Variants in AFF2 observed in about 807,000 individuals in gnomAD.
AFF2 encodes AF4/FMR2 family member 2.
In AFF2, 14 loss-of-function variants were observed where a neutral mutation model predicts 76.9. The observed-to-expected ratio is 0.18, with a 90% CI of 0.12 to 0.28. The LOEUF (loss-of-function observed/expected upper bound fraction) is 0.28, where lower values mean the gene tolerates loss of function less well. Ranked by LOEUF, AFF2 falls within the 10% of genes least tolerant of loss-of-function variation. AFF2 has a pLI of 1.00. For synonymous variants in AFF2, 398 were observed against 366.7 expected (o/e 1.09, Z -0.98); for missense variants, 868 against 1,001.1 (o/e 0.87, Z 1.79).
At chrX:148,936,060 C>T (rs1436983408) in intron 9 of AFF2, among the ~76,000 whole-genome samples, 1 of 110,898 alleles carries the variant, frequency 9.0e-6, no homozygotes, top group Non-Finnish European at 1.9e-5. Context: ...AAGTCTTCTT[C>T]GTGGATCTTT....
intron 9 of AFF2, among the ~76,000 whole-genome samples, chrX:148,925,222 G>A (rs2071637853): frequency 8.9e-6 from 1 of 112,227 alleles, no homozygotes; most frequent in African/African-American, 3.2e-5. Flanking sequence ...ATATTCAGCG[G>A]TGTTATCCCA....
intron 3 of AFF2, among the ~76,000 whole-genome samples, chrX:148,781,667 C>T (rs1241329455): frequency 8.9e-6 from 1 of 112,014 alleles, no homozygotes; most frequent in Non-Finnish European, 1.9e-5. Flanking sequence ...AGCAAGACCA[C>T]TTGGCTCCCT....
intron 3 of AFF2, among the ~76,000 whole-genome samples, chrX:148,721,411 A>G (rs1483503864): frequency 1.8e-5 from 2 of 112,145 alleles, no homozygotes; most frequent in Non-Finnish European, 3.8e-5. Context: ...TCTCTACCTC[A>G]TAGTGTCATT....
intron 1 of AFF2, among the ~76,000 whole-genome samples, chrX:148,646,703 C>A (rs782417642): frequency 8.9e-6 from 1 of 111,826 alleles, no homozygotes; most frequent in Non-Finnish European, 1.9e-5. Flanking sequence ...ACAGTGTTTG[C>A]AGGGAGATAG....
chrX:148,564,472 A>G (rs183761180), intron 1 of AFF2, among the ~76,000 whole-genome samples: 1,373 of 108,553 alleles, frequency 0.013, 32 homozygotes, highest in African/African-American at 0.042. Flanking sequence ...TGATTTGAAA[A>G]AAAAAAAAAA....
intron 3 of AFF2, among the ~76,000 whole-genome samples, chrX:148,804,943 G>A (rs1557271195): frequency 9.0e-6 from 1 of 111,620 alleles, no homozygotes; most frequent in Admixed American, 9.5e-5. Flanking sequence ...AGAGACATAG[G>A]GGATTTCATA....
At chrX:148,896,771 A>G (rs1413447528) in intron 8 of AFF2, among the ~76,000 whole-genome samples, 1 of 110,919 alleles carries the variant, frequency 9.0e-6, no homozygotes, top group Non-Finnish European at 1.9e-5. Context: ...TTTCCTGACT[A>G]GAGTTAAAAA....
Position 148,958,429 on chromosome X carries a change from C to G in AFF2, c.2661C>G (p.Ala887=). ...TGCTCCCTCCTTGCATCTCACCAGC[C>G]CCACCCCACAAGCCTCCCAACACTA... is the stretch of plus-strand genomic sequence containing the variant. ...ICLLPPCISP[A]PPHKPPNTRE... Residue 887 remains alanine, a synonymous_variant, in exon 12 of 21, where the codon GCC becomes GCG. Transcript: ENST00000370460. 1 of 1,210,979 alleles carries G rather than the reference C, an allele frequency of 8.3e-7. No homozygotes were observed. Among genetic ancestry groups the G allele is most frequent in the Non-Finnish European group, 1.1e-6 (1 of 895,124 alleles).
At chrX:148,664,196 A>C (rs1022765313) in intron 3 of AFF2, among the ~76,000 whole-genome samples, 3 of 111,758 alleles carry the variant, frequency 2.7e-5, no homozygotes, top group Non-Finnish European at 3.8e-5. Context: ...TTGATTATTC[A>C]GTACCTTCTC....
intron 3 of AFF2, among the ~76,000 whole-genome samples, chrX:148,669,021 G>A (rs1693211564): frequency 8.9e-6 from 1 of 111,792 alleles, no homozygotes; most frequent in South Asian, 3.8e-4. Flanking sequence ...ATGCTTTGCT[G>A]CATAGAAATT....
chrX:148,983,802 C>T (rs1175634579), intron 19 of AFF2, among the ~76,000 whole-genome samples: 1 of 108,860 alleles, frequency 9.2e-6, no homozygotes, highest in Non-Finnish European at 1.9e-5. Context: ...TATATATGCT[C>T]TTCTCCTTCT....
intron 1 of AFF2, among the ~76,000 whole-genome samples, chrX:148,589,775 C>T (rs1557246346): frequency 1.8e-5 from 2 of 110,461 alleles, no homozygotes; most frequent in Non-Finnish European, 3.8e-5. Flanking sequence ...ACACCAAATA[C>T]ATTGCAGAAA....
chrX:148,903,197 A>G (rs2071372529), intron 8 of AFF2, among the ~76,000 whole-genome samples: 1 of 111,613 alleles, frequency 9.0e-6, no homozygotes, highest in Admixed American at 9.5e-5. Flanking sequence ...TGCTCTTTTT[A>G]TCAAACATAA....
chrX:148,525,095 T>C, intron 1 of AFF2, among the ~76,000 whole-genome samples: 1 of 112,363 alleles, frequency 8.9e-6, no homozygotes, highest in Admixed American at 9.5e-5. Context: ...AATATTTTCC[T>C]GCTATATTGA....
In AFF2 at chrX:148,708,001, C is replaced by G. The variant is rs782578372; in HGVS notation, c.1041+45233C>G. Among the ~76,000 whole-genome samples the G allele has an allele frequency of 8.1e-4, 91 of 111,774 alleles. 1 individual carries two copies. The Middle Eastern group carries it at 0.014, about 17-fold the overall frequency. ...AAATAAGCACATGAAATAAAAAGAA[C>G]AAAGCATACTGTTGGAATTACCCTG... On this transcript the variant is annotated intron_variant, in intron 3 of 20. Coordinates refer to ENST00000370460, the MANE Select transcript of AFF2 (RefSeq NM_002025.4).
intron 9 of AFF2, among the ~76,000 whole-genome samples, chrX:148,906,198 G>C (rs1343388755): frequency 8.9e-6 from 1 of 112,131 alleles, no homozygotes; most frequent in Non-Finnish European, 1.9e-5. Context: ...CCTGACAGGA[G>C]AACAGAGTCA....
At position 148,581,257 on chromosome X, in the gene AFF2, T is replaced by C. The variant is rs868995680; in HGVS notation, c.48-70742T>C. 6.4e-4 allele frequency among the ~76,000 whole-genome samples: 55 copies of C among 85,620 alleles called. 3 individuals are homozygous for C. Among genetic ancestry groups the C allele is most frequent in the African/African-American group, 2.2e-3 (51 of 23,333 alleles). 74.4% of individuals were successfully genotyped at this position (85,620 alleles called of 115,157 possible). On this transcript the variant is annotated intron_variant, in intron 1 of 20. Transcript: ENST00000370460. ...ACGTATACGTGTACACACATATACG[T>C]ATACGTGTACACACATATACACGTA...
intron 1 of AFF2, among the ~76,000 whole-genome samples, chrX:148,614,706 TTTC>T (rs2053769384): frequency 2.1e-5 from 1 of 48,335 alleles, no homozygotes; most frequent in Admixed American, 1.7e-4. Context: ...TCTTTCTTTC[TTTC>T]TTTCTTTCTT....
intron 9 of AFF2, among the ~76,000 whole-genome samples, chrX:148,907,751 C>T (rs368283910): frequency 1.8e-5 from 2 of 111,433 alleles, no homozygotes; most frequent in South Asian, 3.9e-4. Flanking sequence ...GTTTCGGGCA[C>T]GCATTGTCAT....
Sources: gnomAD v4.1 joint callset for allele counts (sites outside exome capture counted in the v4.1 genomes callset) on GRCh38, gnomAD v4.1.1 for gene constraint, MANE v1.5 for transcripts, NCBI Gene and HGNC (gene_info 2026-07-23, HGNC 2026-07-21) for gene names.